RASSF8: variants seen among roughly 807,000 people sequenced by gnomAD.
RASSF8 encodes the protein ras association domain-containing protein 8.
Under a neutral mutation model 48.5 loss-of-function variants are expected in RASSF8, and 22 were observed. That is an observed-to-expected ratio of 0.45 (90% CI 0.32 to 0.65). RASSF8 has a LOEUF of 0.65. RASSF8 is among the 30% of genes least tolerant of loss of function. The probability of loss-of-function intolerance (pLI) is 0.03; values close to 1 mark genes in which losing one functional copy is unlikely to be tolerated. For synonymous variants in RASSF8, 127 were observed against 171.5 expected (o/e 0.74, Z 2.03); for missense variants, 418 against 489.2 (o/e 0.85, Z 1.37).
intron 2 of RASSF8, among the ~76,000 whole-genome samples, chr12:26,018,812 G>C (rs1418641142): frequency 6.6e-6 from 1 of 152,228 alleles, no homozygotes; most frequent in Admixed American, 6.5e-5. Context: ...TTGGCAATCA[G>C]ATAAGTTATT....
intron 1 of RASSF8, among the ~76,000 whole-genome samples, chr12:25,993,240 T>G (rs1009778482): frequency 2.6e-5 from 4 of 152,232 alleles, no homozygotes; most frequent in Admixed American, 2.6e-4. Flanking sequence ...TGCATATATG[T>G]TAGTGTCAGT....
At chr12:25,977,443 A>G (rs1941633768) in intron 1 of RASSF8, among the ~76,000 whole-genome samples, 1 of 151,998 alleles carries the variant, frequency 6.6e-6, no homozygotes, top group African/African-American at 2.4e-5. Flanking sequence ...GAACAACCCA[A>G]CTTCCTACTA....
intron 2 of RASSF8, among the ~76,000 whole-genome samples, chr12:26,003,080 G>A (rs988952702): frequency 6.6e-6 from 1 of 152,072 alleles, no homozygotes; most frequent in Non-Finnish European, 1.5e-5. Context: ...TAATTTCCCA[G>A]CACCATATAT....
In RASSF8 at chr12:26,072,303, A is replaced by G; in HGVS notation, c.*3485A>G. 1.0e-6 allele frequency: 1 copy of G among 985,340 alleles called. No homozygotes were observed. The highest frequency in any genetic ancestry group is 1.2e-6 in the Non-Finnish European group (1 of 829,846). 61.0% of individuals were successfully genotyped at this position (985,340 alleles called of 1,614,324 possible). ...TATTTTTAAGTTTGGGGTGAAGGCCATCAGCTGTATCAAAAAGACAAAACA... is the reference window on the plus strand; with the variant it reads ...TATTTTTAAGTTTGGGGTGAAGGCCGTCAGCTGTATCAAAAAGACAAAACA... On this transcript the variant is annotated 3_prime_UTR_variant, in exon 6 of 6. Transcript: ENST00000689635.
intron 2 of RASSF8, among the ~76,000 whole-genome samples, chr12:26,041,008 C>T (rs1227974174): frequency 1.3e-5 from 2 of 151,894 alleles, no homozygotes; most frequent in Non-Finnish European, 2.9e-5. Context: ...CTGCCTCAGC[C>T]TCCCGAGTAA....
chr12:26,053,272 T>C (rs10082878), intron 2 of RASSF8, among the ~76,000 whole-genome samples: 7,286 of 152,138 alleles, frequency 0.048, 577 homozygotes, highest in African/African-American at 0.17. Context: ...TACCCTTTCT[T>C]GCTTGATTTC....
chr12:26,076,347 TGTTA>T (rs1342416152), downstream of RASSF8, among the ~76,000 whole-genome samples: 1 of 152,076 alleles, frequency 6.6e-6, no homozygotes, highest in Non-Finnish European at 1.5e-5. Context: ...ACATGTGCCC[TGTTA>T]GTTTGCTGCA....
At chr12:25,976,013 C>T (rs1316516321) in intron 1 of RASSF8, among the ~76,000 whole-genome samples, 4 of 152,188 alleles carry the variant, frequency 2.6e-5, no homozygotes, top group Admixed American at 2.6e-4. Context: ...AGGAGCCGCA[C>T]CCAGAAATTT....
At chr12:26,025,415 G>A (rs974973326) in intron 2 of RASSF8, among the ~76,000 whole-genome samples, 1 of 152,058 alleles carries the variant, frequency 6.6e-6, no homozygotes, top group Admixed American at 6.6e-5. Context: ...AAATTAGCCA[G>A]GCGTGTTGGC....
chr12:26,043,730 T>G (rs1943314416), intron 2 of RASSF8, among the ~76,000 whole-genome samples: 1 of 152,110 alleles, frequency 6.6e-6, no homozygotes, highest in Non-Finnish European at 1.5e-5. Context: ...TCAATGGAAA[T>G]CTCTACTGCA....
intron 2 of RASSF8, among the ~76,000 whole-genome samples, chr12:26,025,037 A>G (rs1347850384): frequency 6.6e-6 from 1 of 152,250 alleles, no homozygotes; most frequent in African/African-American, 2.4e-5. Context: ...TAAAAAAAGC[A>G]TTTGACAAAA....
intron 2 of RASSF8, among the ~76,000 whole-genome samples, chr12:26,030,728 G>C (rs1169608737): frequency 6.6e-6 from 1 of 151,450 alleles, no homozygotes. Context: ...TAGATAAGCA[G>C]CCCAGATTAA....
chr12:26,063,973 T>G (rs1179312627), intron 3 of RASSF8, among the ~76,000 whole-genome samples: 1 of 152,092 alleles, frequency 6.6e-6, no homozygotes, highest in Non-Finnish European at 1.5e-5. Flanking sequence ...TGAGTCACAG[T>G]TCTCCACTGG....
intron 2 of RASSF8, among the ~76,000 whole-genome samples, chr12:26,029,569 C>T (rs1565626993): frequency 1.3e-5 from 2 of 152,158 alleles, no homozygotes; most frequent in Non-Finnish European, 2.9e-5. Context: ...TGTTTAAATG[C>T]GGCATCTTCT....
intron 2 of RASSF8, among the ~76,000 whole-genome samples, chr12:25,995,571 T>C (rs935094552): frequency 6.6e-6 from 1 of 152,228 alleles, no homozygotes; most frequent in African/African-American, 2.4e-5. Flanking sequence ...GACTTTTCTC[T>C]ATAATAATCT....
intron 2 of RASSF8, among the ~76,000 whole-genome samples, chr12:26,014,216 G>A (rs746448893): frequency 1.3e-5 from 2 of 152,168 alleles, no homozygotes; most frequent in Admixed American, 6.5e-5. Context: ...TCATACTAGC[G>A]ATGAAAACAT....
At chr12:25,976,305 A>G (rs529457676) in intron 1 of RASSF8, among the ~76,000 whole-genome samples, 29 of 152,354 alleles carry the variant, frequency 1.9e-4, no homozygotes, top group African/African-American at 6.7e-4. Context: ...GCTGTCTGCA[A>G]CAAATCATAC....
chr12:25,972,252 A>G (rs575883186), intron 1 of RASSF8, among the ~76,000 whole-genome samples: 28 of 152,224 alleles, frequency 1.8e-4, no homozygotes, highest in Non-Finnish European at 3.5e-4. Context: ...AGTACTGACC[A>G]TATTCAGGAG....
intron 1 of RASSF8, among the ~76,000 whole-genome samples, chr12:25,967,854 G>T (rs943225867): frequency 2.0e-5 from 3 of 152,204 alleles, no homozygotes; most frequent in Admixed American, 6.5e-5. Context: ...AAGTAGCTCT[G>T]AAGAGAACTG....
Sources: gnomAD v4.1 joint callset for allele counts (sites outside exome capture counted in the v4.1 genomes callset) on GRCh38, gnomAD v4.1.1 for gene constraint, MANE v1.5 for transcripts, NCBI Gene and HGNC (gene_info 2026-07-23, HGNC 2026-07-21) for gene names.